RNGTT: variants seen among roughly 807,000 people sequenced by gnomAD.
The protein encoded by RNGTT is RNA guanylyltransferase and 5'-phosphatase.
Under a neutral mutation model 79.3 loss-of-function variants are expected in RNGTT, and 33 were observed. That is an observed-to-expected ratio of 0.42 (90% CI 0.32 to 0.56). RNGTT has a LOEUF of 0.56. Among genes scored for constraint, RNGTT ranks in the 20% least tolerant of loss-of-function variants. The pLI is 0.17. For missense variants in RNGTT, 497 were observed against 739.1 expected (o/e 0.67, Z 3.80); for synonymous variants, 222 against 235.9 (o/e 0.94, Z 0.54).
intron 9 of RNGTT, among the ~76,000 whole-genome samples, chr6:88,851,051 A>C (rs1781653801): frequency 6.6e-6 from 1 of 151,980 alleles, no homozygotes; most frequent in Non-Finnish European, 1.5e-5. Context: ...CAGTCCATAT[A>C]GGTGATGAAA....
intron 14 of RNGTT, among the ~76,000 whole-genome samples, chr6:88,638,034 A>G (rs1217357520): frequency 6.6e-6 from 1 of 152,122 alleles, no homozygotes; most frequent in African/African-American, 2.4e-5. Context: ...TGGATGACAA[A>G]TCACCCTTGT....
intron 14 of RNGTT, among the ~76,000 whole-genome samples, chr6:88,623,849 A>G (rs563929544): frequency 2.0e-5 from 3 of 152,086 alleles, no homozygotes; most frequent in African/African-American, 7.2e-5. Context: ...CCTAGAACCA[A>G]TAAGTTTAAC....
chr6:88,904,636 A>T, intron 6 of RNGTT, 79 bp downstream of exon 6: 1 of 1,433,740 alleles, frequency 7.0e-7, no homozygotes, highest in Non-Finnish European at 9.4e-7. Context: ...AAACATGGCC[A>T]ATATTCCATT....
rs551405809 is a variant in RNGTT at position 88,669,609 on chromosome 6, T to C, written c.1506+8744A>G. On this transcript the variant is annotated intron_variant, in intron 14 of 15. Coordinates refer to ENST00000369485, the MANE Select transcript of RNGTT (RefSeq NM_003800.5). ...GAACCCATTTAGTAAGTTTACTAAG[T>C]TGCAAACTGTTTGGGCCCATCCAGA... Among the ~76,000 whole-genome samples the C allele has an allele frequency of 5.9e-5, 9 of 152,304 alleles. No individual in the cohort carries two copies. The East Asian group carries it at 1.2e-3, about 20-fold the overall frequency.
chr6:88,795,621 C>A (rs577401062), intron 12 of RNGTT, among the ~76,000 whole-genome samples: 11 of 152,098 alleles, frequency 7.2e-5, no homozygotes, highest in African/African-American at 2.2e-4. Flanking sequence ...CACCATGGCA[C>A]GTGTATACCT....
intron 14 of RNGTT, among the ~76,000 whole-genome samples, chr6:88,659,455 T>C (rs1010380028): frequency 6.6e-5 from 10 of 151,886 alleles, no homozygotes; most frequent in Non-Finnish European, 2.9e-5. Flanking sequence ...GAAAGGACAA[T>C]TACAACTTCT....
At chr6:88,877,363 T>C (rs9353630) in intron 8 of RNGTT, among the ~76,000 whole-genome samples, 6,240 of 152,274 alleles carry the variant, frequency 0.041, 189 homozygotes, top group African/African-American at 0.076. Flanking sequence ...GGGTCACTGA[T>C]TTTTAAATTT....
chr6:88,834,872 A>C (rs1480051115), intron 11 of RNGTT, among the ~76,000 whole-genome samples: 3 of 152,102 alleles, frequency 2.0e-5, no homozygotes, highest in African/African-American at 7.2e-5. Context: ...CATAAAATTT[A>C]AATTCCTGCC....
chr6:88,724,682 G>C (rs930403362), intron 13 of RNGTT, among the ~76,000 whole-genome samples: 4 of 152,124 alleles, frequency 2.6e-5, no homozygotes, highest in Non-Finnish European at 5.9e-5. Context: ...GAATTGTCAG[G>C]CATGAGTTCT....
intron 14 of RNGTT, among the ~76,000 whole-genome samples, chr6:88,625,526 C>T (rs183836070): frequency 7.2e-5 from 11 of 151,914 alleles, no homozygotes; most frequent in African/African-American, 2.2e-4. Context: ...TACTGGAAAA[C>T]GCAAAACTAT....
chr6:88,901,517 T>TC (rs1783463008), intron 6 of RNGTT, among the ~76,000 whole-genome samples: 1 of 129,392 alleles, frequency 7.7e-6, no homozygotes, highest in East Asian at 2.2e-4. Context: ...TTTTTTTTTT[T>TC]TTTTTTTGAG....
At chr6:88,872,246 T>C (rs1562295710) in intron 8 of RNGTT, among the ~76,000 whole-genome samples, 2 of 152,106 alleles carry the variant, frequency 1.3e-5, no homozygotes, top group Non-Finnish European at 2.9e-5. Context: ...GGAAAGTTTT[T>C]CCTCCCCACT....
chr6:88,686,052 T>G (rs1324688349), intron 13 of RNGTT, among the ~76,000 whole-genome samples: 1 of 149,480 alleles, frequency 6.7e-6, no homozygotes, highest in Non-Finnish European at 1.5e-5. Flanking sequence ...TGCAGAAAAA[T>G]TATTAGGATT....
intron 11 of RNGTT, among the ~76,000 whole-genome samples, chr6:88,807,909 A>C (rs1286606527): frequency 1.3e-5 from 2 of 152,288 alleles, no homozygotes; most frequent in South Asian, 4.1e-4. Context: ...CCTTTAACAT[A>C]CTAATATTAA....
At chr6:88,669,985 T>C (rs1322693546) in intron 14 of RNGTT, among the ~76,000 whole-genome samples, 2 of 152,198 alleles carry the variant, frequency 1.3e-5, no homozygotes, top group Non-Finnish European at 2.9e-5. Context: ...TTAGAAATAA[T>C]CACTAATGAA....
intron 11 of RNGTT, among the ~76,000 whole-genome samples, chr6:88,805,970 T>C (rs1779940037): frequency 6.6e-6 from 1 of 152,160 alleles, no homozygotes; most frequent in Non-Finnish European, 1.5e-5. Context: ...GATGTAATTA[T>C]ATAGCAACAC....
At chr6:88,831,524 C>A (rs772709395) in intron 11 of RNGTT, among the ~76,000 whole-genome samples, 4 of 152,138 alleles carry the variant, frequency 2.6e-5, no homozygotes, top group Non-Finnish European at 4.4e-5. Context: ...CTTTGAAAAC[C>A]AGCACAAGGC....
intron 2 of RNGTT, among the ~76,000 whole-genome samples, chr6:88,930,084 A>ATATACATATACGTATATACATATACGTG (rs1784461542): frequency 4.0e-5 from 4 of 100,974 alleles, no homozygotes; most frequent in African/African-American, 1.5e-4. Flanking sequence ...ACATATACAT[A>ATATACATATACGTATATACATATACGTG]TATACATATA....
chr6:88,741,330 T>A (rs573323923), intron 13 of RNGTT, among the ~76,000 whole-genome samples: 1 of 152,130 alleles, frequency 6.6e-6, no homozygotes, highest in African/African-American at 2.4e-5. Context: ...TTATTCTAAA[T>A]GTGAGAACAG....
Sources: gnomAD v4.1 joint callset for allele counts (sites outside exome capture counted in the v4.1 genomes callset) on GRCh38, gnomAD v4.1.1 for gene constraint, MANE v1.5 for transcripts, NCBI Gene and HGNC (gene_info 2026-07-23, HGNC 2026-07-21) for gene names.